SNRNP200: variants seen among roughly 807,000 people sequenced by gnomAD.
The protein encoded by SNRNP200 is U5 small nuclear ribonucleoprotein 200 kDa helicase.
Under a neutral mutation model 255.2 loss-of-function variants are expected in SNRNP200, and 66 were observed. The ratio of observed to expected loss-of-function variants is 0.26; its 90% CI spans 0.21 to 0.32. The LOEUF (loss-of-function observed/expected upper bound fraction) is 0.32. Ranked by LOEUF, SNRNP200 falls within the 10% of genes least tolerant of loss-of-function variation. SNRNP200 has a pLI of 1.00. For missense variants in SNRNP200, 1,585 were observed against 2,749.8 expected (o/e 0.58, Z 9.47); for synonymous variants, 939 against 1,027.8 (o/e 0.91, Z 1.65).
At position 96,301,601 on chromosome 2, in the gene SNRNP200, T is replaced by C. The variant is rs2063952783; in HGVS notation, c.497A>G (p.Asp166Gly). 1.2e-6 allele frequency: 2 copies of C among 1,614,230 alleles called. No homozygotes were observed. The highest frequency in any genetic ancestry group is 1.7e-6 in the Non-Finnish European group (2 of 1,180,048). ...EIDLLLGQTD[D>G]TRYHVLVNLG... ...GTTCACTAGCACATGGTATCTGGTA[T>C]CATCTGTTTGACCCAGCAGCAGGTC... Residue 166 changes from aspartate to glycine, a missense_variant, in exon 4 of 45, where the codon GAT becomes GGT. Asp to Gly is a moderately conservative substitution (Grantham distance 94, BLOSUM62 -1). Transcript: ENST00000323853.
Position 96,299,309 on chromosome 2 carries a change from G to A in SNRNP200, c.729+20C>T, listed in dbSNP as rs766519258. 1.2e-6 allele frequency: 2 copies of A among 1,607,742 alleles called. No homozygotes were observed. Among genetic ancestry groups the A allele is most frequent in the East Asian group, 4.5e-5 (2 of 44,866 alleles). ...CCAGAAGTAACCTTGTAGCAATGAG[G>A]AAGAGCAAACTGAACTTACATTAGC... On this transcript the variant is annotated intron_variant, in intron 6 of 44. Transcript: ENST00000323853.
Position 96,305,467 on chromosome 2 carries a change from C to A in SNRNP200, c.-30G>T. The A allele has an allele frequency of 6.2e-7, 1 of 1,613,628 alleles. No individual in the cohort carries two copies. The highest frequency in any genetic ancestry group is 8.5e-7 in the Non-Finnish European group (1 of 1,180,008). Reference sequence around the variant, plus strand: ...GCGGCTGCTCGGAGGCTTCAGACCACCACGCCTCCCTACCGCAAGCTGCAA... The same window carrying A: ...GCGGCTGCTCGGAGGCTTCAGACCAACACGCCTCCCTACCGCAAGCTGCAA... On this transcript the variant is annotated 5_prime_UTR_variant, in exon 1 of 45. Coordinates refer to ENST00000323853, the MANE Select transcript of SNRNP200 (RefSeq NM_014014.5).
chr2:96,300,204 A>G (rs969942622), intron 5 of SNRNP200, among the ~76,000 whole-genome samples: 3 of 152,182 alleles, frequency 2.0e-5, no homozygotes, highest in African/African-American at 7.2e-5. Context: ...TTCTCAAAGT[A>G]CCCCACTTAT....
chr2:96,276,844 A>G, intron 43 of SNRNP200, 60 bp downstream of exon 43: 1 of 1,484,634 alleles, frequency 6.7e-7, no homozygotes, highest in East Asian at 2.3e-5. Flanking sequence ...CCTTGTACCA[A>G]GCACCTAGCC....
intron 6 of SNRNP200, 110 bp from the exon 7 acceptor site, chr2:96,299,077 G>T: frequency 7.0e-7 from 1 of 1,428,526 alleles, no homozygotes; most frequent in Non-Finnish European, 9.7e-7. Context: ...ACCTTCTTGT[G>T]AGGACTTTCC....
chr2:96,288,892 A>T, intron 23 of SNRNP200, 145 bp downstream of exon 23: 2 of 1,038,122 alleles, frequency 1.9e-6, no homozygotes, highest in Non-Finnish European at 2.9e-6. Context: ...TATTTCATAT[A>T]AAAAGAACAT....
chr2:96,287,735 A>G lies in SNRNP200; in HGVS notation c.3365+128T>C, dbSNP rs2063852235. ...AGGGCCTTCCCTCTTCTCAATGTGC[A>G]CCAAGGTTCAGGTCATACTTCCGAT... is the stretch of plus-strand genomic sequence containing the variant. On this transcript the variant is annotated intron_variant, in intron 25 of 44. Coordinates refer to ENST00000323853, the MANE Select transcript of SNRNP200 (RefSeq NM_014014.5). The surrounding 1 kb of genome is among the most constrained non-coding windows in gnomAD (Gnocchi z 5.7). The G allele has an allele frequency of 1.0e-6, 1 of 954,086 alleles. No homozygotes were observed. The highest frequency in any genetic ancestry group is 1.7e-5 in the Admixed American group (1 of 57,642). 59.1% of individuals were successfully genotyped at this position (954,086 alleles called of 1,614,324 possible). A position where few individuals can be genotyped will look rare whatever the true frequency, so the allele number is the denominator to read the frequency against.
Position 96,287,099 on chromosome 2 carries a change from G to C in SNRNP200, c.3546C>G (p.Pro1182=), listed in dbSNP as rs1558766726. 2 of 1,614,066 alleles carry C rather than the reference G, an allele frequency of 1.2e-6. No homozygotes were observed. Among genetic ancestry groups the C allele is most frequent in the East Asian group, 2.2e-5 (1 of 44,884 alleles). ...GCAGGTGCACTGACAACTCCAACTT[G>C]GGAAACAGATGGACATATTTGTGGA... is the stretch of plus-strand genomic sequence containing the variant. ...KTIHKYVHLF[P]KLELSVHLQP... Residue 1182 remains proline, a synonymous_variant, in exon 27 of 45, where the codon CCC becomes CCG. Transcript: ENST00000323853. This position sits in a 1 kb window ranked among gnomAD's most constrained non-coding sequence, Gnocchi z 5.7.
At position 96,304,602 on chromosome 2, in the gene SNRNP200, G is replaced by A. The variant is rs549130757; in HGVS notation, c.209+103C>T. 28 of 1,469,754 alleles carry A rather than the reference G, an allele frequency of 1.9e-5. No homozygotes were observed. In the African/African-American group the frequency reaches 2.1e-4, roughly 11 times the overall value. 91.0% of individuals were successfully genotyped at this position (1,469,754 alleles called of 1,614,324 possible). ...TTTACCTTCACTGAATTGTTTTAATGCCACTGATCTTACACCAAGCATTCC... is the reference window on the plus strand; with the variant it reads ...TTTACCTTCACTGAATTGTTTTAATACCACTGATCTTACACCAAGCATTCC... On this transcript the variant is annotated intron_variant, in intron 2 of 44. Coordinates refer to ENST00000323853, the MANE Select transcript of SNRNP200 (RefSeq NM_014014.5).
chr2:96,300,391 T>C (rs757368332), intron 5 of SNRNP200, among the ~76,000 whole-genome samples: 1 of 152,198 alleles, frequency 6.6e-6, no homozygotes, highest in Non-Finnish European at 1.5e-5. Context: ...ACATAGCAGA[T>C]ACATTCTCAA....
Position 96,278,818 on chromosome 2 carries a change from T to C in SNRNP200, c.5314A>G (p.Asn1772Asp). Residue 1772 changes from asparagine (N) to aspartate (D), a missense_variant, in exon 37 of 45, where the codon AAC becomes GAC. Around this residue, in one of 9 missense-constraint regions of SNRNP200, gnomAD observed 279 missense variants for 551.2 expected, o/e 0.51. Transcript: ENST00000323853. The surrounding 1 kb of genome is among the most constrained non-coding windows in gnomAD (Gnocchi z 6.9). ...TCCCAAGCCCACTGACCCTGCAGGTTGTAGTAATTGGGGTTCTGTGTCATG... is the reference window on the plus strand; with the variant it reads ...TCCCAAGCCCACTGACCCTGCAGGTCGTAGTAATTGGGGTTCTGTGTCATG... ...RRMTQNPNYYNLQGISHRHLS... is the reference protein window; with the variant it reads ...RRMTQNPNYYDLQGISHRHLS... The C allele has an allele frequency of 6.2e-7, 1 of 1,614,044 alleles. No individual in the cohort carries two copies.
At chr2:96,276,589 TTTTTG>T in intron 43 of SNRNP200, 1 of 372,008 alleles carries the variant, frequency 2.7e-6, no homozygotes, top group East Asian at 6.8e-5. Context: ...GCACAGCTAA[TTTTTG>T]TATTTTTAGT....
chr2:96,288,767 C>T (rs1286688017), intron 23 of SNRNP200, 21 bp from the exon 24 acceptor site: 12 of 1,602,542 alleles, frequency 7.5e-6, no homozygotes, highest in Non-Finnish European at 1.0e-5. Context: ...GCAAAATCAG[C>T]CAGCAGGAGA....
chr2:96,301,395 C>CA (rs2063951273), intron 4 of SNRNP200, 129 bp downstream of exon 4: 6 of 1,052,148 alleles, frequency 5.7e-6, no homozygotes, highest in Non-Finnish European at 9.0e-6. Context: ...TGTAACTCTT[C>CA]AAAAAACACA....
intron 34 of SNRNP200, chr2:96,282,874 C>T (rs2063812286): frequency 9.4e-6 from 4 of 424,370 alleles, no homozygotes; most frequent in South Asian, 4.4e-5. Flanking sequence ...AATACAAGAA[C>T]GGACTAATAC....
intron 14 of SNRNP200, among the ~76,000 whole-genome samples, chr2:96,294,252 A>T (rs1356292405): frequency 6.6e-6 from 1 of 151,942 alleles, no homozygotes; most frequent in Non-Finnish European, 1.5e-5. Context: ...TGGCCATCAG[A>T]TTGGTGAAAC....
At position 96,287,909 on chromosome 2, in the gene SNRNP200, G is replaced by A. The variant is rs2063853236; in HGVS notation, c.3319C>T (p.Leu1107Phe). The change falls in exon 25 of 45, where the codon CTT becomes TTT. Residue 1107 changes from leucine (L) to phenylalanine (F), a missense_variant. By Grantham distance (22) the Leu-to-Phe change is conservative. This residue lies in a region of SNRNP200 where 719 missense variants were observed against 1,091.1 expected (regional missense o/e 0.66). Transcript: ENST00000323853. The surrounding 1 kb of genome is among the most constrained non-coding windows in gnomAD (Gnocchi z 5.7). ...CAGAGGTTCAGGGTCTTGTCTGTAA[G>A]CTGTGCCCAACCTCGGTTCAGGACA... ...EIVLNRGWAQ[L>F]TDKTLNLCKM... 1 of 1,614,126 alleles carries A rather than the reference G, an allele frequency of 6.2e-7. No homozygotes were observed. The highest frequency in any genetic ancestry group is 1.3e-5 in the African/African-American group (1 of 74,940).
Position 96,304,617 on chromosome 2 carries a change from C to A in SNRNP200, c.209+88G>T, listed in dbSNP as rs947973805. On this transcript the variant is annotated intron_variant, in intron 2 of 44. Transcript: ENST00000323853. Reference sequence around the variant, plus strand: ...TTGTTTTAATGCCACTGATCTTACACCAAGCATTCCAGCAAAAATGCTGCT... The same window carrying A: ...TTGTTTTAATGCCACTGATCTTACAACAAGCATTCCAGCAAAAATGCTGCT... The A allele has an allele frequency of 2.6e-6, 4 of 1,539,014 alleles. No individual in the cohort carries two copies. In the African/African-American group the frequency reaches 4.1e-5, roughly 16 times the overall value.
chr2:96,299,096 A>C (rs1574000297), intron 6 of SNRNP200, 129 bp from the exon 7 acceptor site: 2 of 1,222,310 alleles, frequency 1.6e-6, no homozygotes, highest in East Asian at 4.8e-5. Context: ...CCAGAGGAAA[A>C]AACTCTGGAA....
Sources: allele counts gnomAD v4.1 joint callset (sites outside exome capture counted in the v4.1 genomes callset), GRCh38; gene constraint gnomAD v4.1.1; regional missense constraint gnomAD v4.1.1; non-coding constraint Gnocchi (gnomAD v3.1); transcripts MANE v1.5; gene names NCBI Gene and HGNC (gene_info 2026-07-23, HGNC 2026-07-21).